Variants in APBB2 observed in about 807,000 individuals in gnomAD.
APBB2 encodes the protein Fe65-like 1.
A neutral mutation model predicts 82.5 loss-of-function variants in APBB2; 38 were observed. That is an observed-to-expected ratio of 0.46 (90% CI 0.36 to 0.60). The LOEUF (loss-of-function observed/expected upper bound fraction) is 0.60, where lower values mean the gene tolerates loss of function less well. APBB2 is among the 20% of genes least tolerant of loss of function. The pLI is 0.00. For synonymous variants in APBB2, 341 were observed against 368.2 expected (o/e 0.93, Z 0.85); for missense variants, 772 against 972.3 (o/e 0.79, Z 2.74).
intron 6 of APBB2, among the ~76,000 whole-genome samples, chr4:40,959,883 T>C (rs1045484130): frequency 1.3e-5 from 2 of 152,224 alleles, no homozygotes; most frequent in South Asian, 4.1e-4. Context: ...TTGCCACAGA[T>C]GCAGAGCAGA....
At chr4:41,097,135 A>C (rs1331565747) in intron 3 of APBB2, among the ~76,000 whole-genome samples, 1 of 152,226 alleles carries the variant, frequency 6.6e-6, no homozygotes, top group East Asian at 1.9e-4. Context: ...AGAAATGCGT[A>C]GGTAAAATCC....
At position 40,934,635 on chromosome 4, in the gene APBB2, C is replaced by T. The variant is rs1452016180; in HGVS notation, c.1172G>A (p.Arg391His). Residue 391 changes from arginine to histidine, a missense_variant, in exon 9 of 18, where the codon CGC becomes CAC. Coordinates refer to ENST00000508593, the MANE Select transcript of APBB2 (RefSeq NM_004307.2). The part of the protein sequence containing the change: ...SLKEFEGATL[R>H]YASLKLRNAP... ...CTACCTGAGTTTCAAAGATGCATAG[C>T]GTAGGGTTGCTCCTTCAAACTCTTT... 4 of 1,613,962 alleles carry T rather than the reference C, an allele frequency of 2.5e-6. No homozygotes were observed. The highest frequency in any genetic ancestry group is 2.2e-5 in the East Asian group (1 of 44,890).
intron 12 of APBB2, among the ~76,000 whole-genome samples, chr4:40,883,710 CAAAA>C (rs10578840): frequency 3.2e-5 from 4 of 126,922 alleles, no homozygotes; most frequent in African/African-American, 2.9e-5. Context: ...TAGAGACTGC[CAAAA>C]AAAAAAAAAA....
intron 1 of APBB2, among the ~76,000 whole-genome samples, chr4:41,198,830 C>G (rs1019557225): frequency 2.0e-5 from 3 of 152,180 alleles, no homozygotes; most frequent in African/African-American, 7.2e-5. Flanking sequence ...CCCAAGCATC[C>G]CTTGGTTTGT....
Position 40,890,406 on chromosome 4 carries a change from ATG to A in APBB2, c.1485_1486del (p.Ile496ArgfsTer23). The A allele has an allele frequency of 6.2e-7, 1 of 1,613,904 alleles. No individual in the cohort carries two copies. The highest frequency in any genetic ancestry group is 8.5e-7 in the Non-Finnish European group (1 of 1,180,014). On this transcript the variant is annotated frameshift_variant, in exon 12 of 18. Coordinates refer to ENST00000508593, the MANE Select transcript of APBB2 (RefSeq NM_004307.2). LOFTEE classifies it high-confidence loss of function. Reference sequence around the variant, plus strand: ...CACGCCCCACACGCGGATGCTGACGATGGGCTGCGAGTGCAGCACGCTGCGGT... The same window carrying A: ...CACGCCCCACACGCGGATGCTGACGAGGCTGCGAGTGCAGCACGCTGCGGT...
At chr4:40,865,684 GA>G (rs1169253003) in intron 12 of APBB2, among the ~76,000 whole-genome samples, 4 of 152,154 alleles carry the variant, frequency 2.6e-5, no homozygotes, top group African/African-American at 9.7e-5. Context: ...TCTACCAGTT[GA>G]TAGGTATTTT....
intron 1 of APBB2, among the ~76,000 whole-genome samples, chr4:41,149,777 A>G (rs1407875664): frequency 6.6e-6 from 1 of 152,090 alleles, no homozygotes; most frequent in Non-Finnish European, 1.5e-5. Flanking sequence ...TCACTGAATC[A>G]TGGGGGCAAG....
At position 40,886,587 on chromosome 4, in the gene APBB2, C is replaced by T. The variant is rs528939449; in HGVS notation, c.1529+3777G>A. ...CCAGGGTCTGAGTGAATAAGAAGAA[C>T]GCTGAGGCCGGAAGTTAGCACAGGT... On this transcript the variant is annotated intron_variant, in intron 12 of 17. Coordinates refer to ENST00000508593, the MANE Select transcript of APBB2 (RefSeq NM_004307.2). Among the ~76,000 whole-genome samples the T allele has an allele frequency of 6.8e-4, 103 of 152,234 alleles. 1 individual carries two copies. In the South Asian group the frequency reaches 0.018, roughly 27 times the overall value.
chr4:41,167,117 G>C (rs1766876009), intron 1 of APBB2, among the ~76,000 whole-genome samples: 1 of 152,174 alleles, frequency 6.6e-6, no homozygotes, highest in Non-Finnish European at 1.5e-5. Context: ...TTATCAAAAA[G>C]GATATAACTC....
chr4:41,136,500 AC>A (rs1259373173), intron 2 of APBB2, among the ~76,000 whole-genome samples: 2 of 152,204 alleles, frequency 1.3e-5, no homozygotes, highest in Non-Finnish European at 2.9e-5. Flanking sequence ...CAGTTAAAAG[AC>A]TTCCCAGGAA....
intron 6 of APBB2, among the ~76,000 whole-genome samples, chr4:41,008,328 A>G (rs1807361541): frequency 6.6e-6 from 1 of 152,252 alleles, no homozygotes; most frequent in Admixed American, 6.5e-5. Flanking sequence ...AACAGGATCA[A>G]TGAAGTTATA....
chr4:40,908,137 A>T (rs1037974958), intron 10 of APBB2, among the ~76,000 whole-genome samples: 1 of 151,802 alleles, frequency 6.6e-6, no homozygotes, highest in Non-Finnish European at 1.5e-5. Flanking sequence ...GACAGCAGGG[A>T]GGCGCCCACA....
At chr4:41,104,769 G>A (rs1414975627) in intron 2 of APBB2, among the ~76,000 whole-genome samples, 1 of 152,132 alleles carries the variant, frequency 6.6e-6, no homozygotes, top group Non-Finnish European at 1.5e-5. Flanking sequence ...TTCTGTTCCT[G>A]TACTAATTCT....
At chr4:40,845,080 A>C (rs1199378749) in intron 12 of APBB2, among the ~76,000 whole-genome samples, 2 of 152,252 alleles carry the variant, frequency 1.3e-5, no homozygotes, top group African/African-American at 4.8e-5. Context: ...GCAGACTTGG[A>C]AAAAATGCTA....
intron 2 of APBB2, among the ~76,000 whole-genome samples, chr4:41,103,588 T>C (rs566378671): frequency 3.1e-4 from 47 of 152,184 alleles, no homozygotes; most frequent in African/African-American, 1.1e-3. Flanking sequence ...GACTATAATG[T>C]AATATACTCA....
At chr4:41,158,945 A>G (rs1215827504) in intron 1 of APBB2, among the ~76,000 whole-genome samples, 1 of 152,108 alleles carries the variant, frequency 6.6e-6, no homozygotes, top group Non-Finnish European at 1.5e-5. Context: ...CCTGCCTCCT[A>G]GTCTATGACC....
intron 6 of APBB2, among the ~76,000 whole-genome samples, chr4:40,949,725 C>T (rs141704751): frequency 2.5e-3 from 379 of 150,674 alleles, no homozygotes; most frequent in Middle Eastern, 0.021. Flanking sequence ...ACAAGGCAAG[C>T]GGCTGAAAAC....
At chr4:40,919,858 C>T (rs1780804832) in intron 10 of APBB2, among the ~76,000 whole-genome samples, 1 of 152,214 alleles carries the variant, frequency 6.6e-6, no homozygotes, top group African/African-American at 2.4e-5. Context: ...TCCCATTTTA[C>T]AGATGAGAGA....
At chr4:41,132,160 T>A (rs1560834719) in intron 2 of APBB2, among the ~76,000 whole-genome samples, 1 of 151,676 alleles carries the variant, frequency 6.6e-6, no homozygotes, top group Non-Finnish European at 1.5e-5. Context: ...ATCTACATTG[T>A]AAAAAAAAAT....
Sources: gnomAD v4.1 joint callset for allele counts (sites outside exome capture counted in the v4.1 genomes callset) on GRCh38, gnomAD v4.1.1 for gene constraint, MANE v1.5 for transcripts, NCBI Gene and HGNC (gene_info 2026-07-23, HGNC 2026-07-21) for gene names.